Variants in PTGR2 observed in about 807,000 individuals in gnomAD.
PTGR2 encodes the protein 15-oxoprostaglandin 13-reductase.
In PTGR2, 32 loss-of-function variants were observed where a neutral mutation model predicts 43.4. The ratio of observed to expected loss-of-function variants is 0.74; its 90% CI spans 0.56 to 0.99. The LOEUF (loss-of-function observed/expected upper bound fraction) is 0.99, where lower values mean the gene tolerates loss of function less well. Ranked by LOEUF, PTGR2 falls within the 50% of genes least tolerant of loss-of-function variation. The probability of loss-of-function intolerance (pLI) is 0.00; values close to 1 mark genes in which losing one functional copy is unlikely to be tolerated. For synonymous variants in PTGR2, 106 were observed against 139.2 expected, an observed-to-expected ratio of 0.76 and a Z score of 1.68; for missense variants, 373 against 420.0, an observed-to-expected ratio of 0.89 and a Z score of 0.98.
At chr14:73,878,978 A>G in intron 5 of PTGR2, 118 bp from the exon 6 acceptor site, 1 of 785,010 alleles carries the variant, frequency 1.3e-6, no homozygotes. Context: ...AAAGCAGCGT[A>G]ATCTAACCTT....
Position 73,876,483 on chromosome 14 carries a change from C to CTTTTT in PTGR2, c.349-503_349-499dup, listed in dbSNP as rs766810794. On this transcript the variant is annotated intron_variant, in intron 4 of 9. Transcript: ENST00000555661. ...TCTTCTTCTTCTAAGGACATAAGTC[C>CTTTTT]TTTTTTTTTTTTTTTTGAGATGAAG... Among the ~76,000 whole-genome samples the CTTTTT allele has an allele frequency of 6.1e-3, 661 of 108,548 alleles. 38 individuals are homozygous for CTTTTT. The highest frequency in any genetic ancestry group is 0.021 in the African/African-American group (638 of 29,688). The allele number at this position is 108,548 out of a possible 152,430, so 71.2% of individuals were successfully genotyped here. A position where few individuals can be genotyped will look rare whatever the true frequency, so the allele number is the denominator to read the frequency against.
intron 3 of PTGR2, among the ~76,000 whole-genome samples, chr14:73,863,384 C>T (rs902433815): frequency 3.3e-5 from 5 of 152,018 alleles, no homozygotes; most frequent in African/African-American, 4.8e-5. Context: ...TCATAGCTCA[C>T]GGCTGCCTTG....
At chr14:73,869,361 C>T (rs1251582798) in intron 3 of PTGR2, among the ~76,000 whole-genome samples, 1 of 151,492 alleles carries the variant, frequency 6.6e-6, no homozygotes, top group Admixed American at 6.6e-5. Context: ...CAGAAAGATG[C>T]CATCAATACC....
At chr14:73,879,629 G>A (rs2054937272) in intron 6 of PTGR2, 1 of 247,392 alleles carries the variant, frequency 4.0e-6, no homozygotes, top group South Asian at 4.9e-5. Context: ...CCAACTCACA[G>A]CCATGGCCCC....
intron 3 of PTGR2, among the ~76,000 whole-genome samples, chr14:73,866,494 A>G (rs1421933100): frequency 2.0e-5 from 3 of 151,982 alleles, no homozygotes; most frequent in Non-Finnish European, 4.4e-5. Flanking sequence ...TTTCATATGA[A>G]CTTTAGAACC....
chr14:73,882,727 C>T (rs1184262346), intron 9 of PTGR2, among the ~76,000 whole-genome samples: 3 of 149,966 alleles, frequency 2.0e-5, no homozygotes, highest in African/African-American at 7.4e-5. Context: ...GTATCGATCT[C>T]CTGACCTCGT....
chr14:73,867,796 G>A lies in PTGR2; in HGVS notation c.157-6227G>A, dbSNP rs547545018. Among the ~76,000 whole-genome samples the A allele has an allele frequency of 7.9e-5, 12 of 152,206 alleles. No individual in the cohort carries two copies. The South Asian group carries it at 1.5e-3, about 18-fold the overall frequency. The stretch of plus-strand genomic sequence containing the variant: ...GGAAGTCTACCTAGTCTGAATCACC[G>A]TTGTTTCTTTCCTAATGGGGTAGGT... On this transcript the variant is annotated intron_variant, in intron 3 of 9. Transcript: ENST00000555661.
At chr14:73,871,725 G>A (rs780628007) in intron 3 of PTGR2, among the ~76,000 whole-genome samples, 11 of 152,128 alleles carry the variant, frequency 7.2e-5, no homozygotes, top group South Asian at 2.1e-4. Context: ...GTCCTCTGCA[G>A]AATTGCTTGG....
chr14:73,873,956 A>T, intron 3 of PTGR2, 67 bp from the exon 4 acceptor site: 1 of 1,228,992 alleles, frequency 8.1e-7, no homozygotes, highest in Admixed American at 2.4e-5. Context: ...GCTTTTAGTC[A>T]TTGGGTAAAT....
intron 3 of PTGR2, chr14:73,861,582 A>G (rs1403090084): frequency 6.6e-6 from 1 of 152,156 alleles, no homozygotes; most frequent in East Asian, 1.9e-4. Context: ...CAAAAAATTA[A>G]AAATTTAGAC....
chr14:73,874,036 A>T lies in PTGR2; in HGVS notation c.170A>T (p.Asn57Ile). ...TTCTTTTTTCAGCGTTGTAGAATGAATGAAGACACTGGCACTGATTATATA... is the reference window on the plus strand; with the variant it reads ...TTCTTTTTTCAGCGTTGTAGAATGATTGAAGACACTGGCACTGATTATATA... ...SVDPYMRCRM[N>I]EDTGTDYITP... The change falls in exon 4 of 10, where the codon AAT becomes ATT. Residue 57 changes from asparagine (N) to isoleucine (I), a missense_variant. Asn to Ile is a moderately radical substitution (Grantham distance 149). Coordinates refer to ENST00000555661, the MANE Select transcript of PTGR2 (RefSeq NM_001146154.2). 1 of 1,592,128 alleles carries T rather than the reference A, an allele frequency of 6.3e-7. No individual in the cohort carries two copies.
At position 73,879,286 on chromosome 14, in the gene PTGR2, G is replaced by C. The variant is rs199906327; in HGVS notation, c.710G>C (p.Ser237Thr). ...TTTGACAATGTTGGTGGTAACATCA[G>C]TGATACAGTGATAAGTCAGGTTGTT... is the stretch of plus-strand genomic sequence containing the variant. Reference protein sequence around the residue: ...VYFDNVGGNISDTVISQMNEN... With the variant: ...VYFDNVGGNITDTVISQMNEN... Residue 237 changes from serine to threonine, a missense_variant, in exon 6 of 10, where the codon AGT becomes ACT. Physicochemically the swap from Ser to Thr is moderately conservative, Grantham distance 58 (BLOSUM62 1). Coordinates refer to ENST00000555661, the MANE Select transcript of PTGR2 (RefSeq NM_001146154.2). 199 of 1,613,742 alleles carry C rather than the reference G, an allele frequency of 1.2e-4. No individual in the cohort carries two copies. Among genetic ancestry groups the C allele is most frequent in the South Asian group, 2.9e-4 (26 of 91,084 alleles).
At chr14:73,852,612 CAGTT>C (rs1243391600) in intron 1 of PTGR2, among the ~76,000 whole-genome samples, 17 of 152,134 alleles carry the variant, frequency 1.1e-4, no homozygotes, top group African/African-American at 4.1e-4. Flanking sequence ...ACGAGCTGGG[CAGTT>C]AGTTTGAAAT....
intron 1 of PTGR2, 186 bp from the exon 2 acceptor site, chr14:73,858,630 T>C: frequency 5.4e-6 from 2 of 370,630 alleles, no homozygotes; most frequent in Admixed American, 3.9e-5. Context: ...TTAAAAATTC[T>C]AACTAGATTT....
intron 9 of PTGR2, among the ~76,000 whole-genome samples, chr14:73,883,047 C>T (rs2055032482): frequency 6.8e-6 from 1 of 147,222 alleles, no homozygotes; most frequent in African/African-American, 2.5e-5. Flanking sequence ...TCTTGAACTC[C>T]TGAATTCAAG....
chr14:73,869,962 G>A (rs1488118636), intron 3 of PTGR2, among the ~76,000 whole-genome samples: 1 of 151,830 alleles, frequency 6.6e-6, no homozygotes, highest in Non-Finnish European at 1.5e-5. Flanking sequence ...GGAGGCGGAG[G>A]TTGCATTGAG....
In PTGR2 at chr14:73,884,062, CA is replaced by C. The variant is rs565577175; in HGVS notation, c.980-38del. ...CTTTTGGAAACAAGTATGATAGTGA[CA>C]TTTATCTTTTCAGATAACCTACTTT... On this transcript the variant is annotated intron_variant, in intron 9 of 9. Coordinates refer to ENST00000555661, the MANE Select transcript of PTGR2 (RefSeq NM_001146154.2). The C allele has an allele frequency of 2.2e-4, 275 of 1,232,732 alleles. No individual in the cohort carries two copies. In the African/African-American group the frequency reaches 3.4e-3, roughly 15 times the overall value. 76.4% of individuals were successfully genotyped at this position (1,232,732 alleles called of 1,614,324 possible).
At chr14:73,856,521 G>C (rs1342316017) in intron 1 of PTGR2, among the ~76,000 whole-genome samples, 1 of 152,138 alleles carries the variant, frequency 6.6e-6, no homozygotes, top group Non-Finnish European at 1.5e-5. Flanking sequence ...AAAGTGCTGG[G>C]ATTACAAGGG....
At chr14:73,878,596 CT>C in intron 5 of PTGR2, 2 of 419,400 alleles carry the variant, frequency 4.8e-6, no homozygotes, top group Non-Finnish European at 9.2e-6. Flanking sequence ...GCTGTAGCTC[CT>C]GGTCAGCCAC....
Sources: gnomAD v4.1 joint callset for allele counts (sites outside exome capture counted in the v4.1 genomes callset) on GRCh38, gnomAD v4.1.1 for gene constraint, MANE v1.5 for transcripts, NCBI Gene and HGNC (gene_info 2026-07-23, HGNC 2026-07-21) for gene names.